Variants in MRTFA observed in about 807,000 individuals in gnomAD.
MRTFA encodes the protein myocardin-related transcription factor A.
In MRTFA, 20 loss-of-function variants were observed where a neutral mutation model predicts 83.5. The observed-to-expected ratio is 0.24, with a 90% CI of 0.17 to 0.35. The LOEUF (loss-of-function observed/expected upper bound fraction) is 0.35. Ranked by LOEUF, MRTFA falls within the 10% of genes least tolerant of loss-of-function variation. The pLI is 1.00. For missense variants in MRTFA, 1,200 were observed against 1,224.7 expected, an observed-to-expected ratio of 0.98 and a Z score of 0.30; for synonymous variants, 659 against 541.2, an observed-to-expected ratio of 1.22 and a Z score of -3.02.
intron 3 of MRTFA, among the ~76,000 whole-genome samples, chr22:40,478,200 C>T (rs1295844774): frequency 1.3e-5 from 2 of 152,110 alleles, no homozygotes; most frequent in African/African-American, 4.8e-5. Context: ...TATTGACCAA[C>T]CATCTACAAA....
At chr22:40,425,542 G>C (rs2052936171) in intron 7 of MRTFA, among the ~76,000 whole-genome samples, 1 of 152,234 alleles carries the variant, frequency 6.6e-6, no homozygotes, top group South Asian at 2.1e-4. Context: ...TCCTCCCTCA[G>C]GACCTGGGAA....
At chr22:40,471,736 G>C (rs1233009239) in intron 3 of MRTFA, among the ~76,000 whole-genome samples, 1 of 152,132 alleles carries the variant, frequency 6.6e-6, no homozygotes, top group Non-Finnish European at 1.5e-5. Context: ...GCCAGGCATG[G>C]TGGCAAGTGC....
intron 1 of MRTFA, among the ~76,000 whole-genome samples, chr22:40,623,681 G>T (rs997554243): frequency 3.3e-5 from 5 of 152,142 alleles, no homozygotes; most frequent in African/African-American, 1.2e-4. Flanking sequence ...ATATTTAATT[G>T]TAACTGTGGT....
At chr22:40,514,428 G>A (rs2054721650) in intron 3 of MRTFA, among the ~76,000 whole-genome samples, 2 of 151,630 alleles carry the variant, frequency 1.3e-5, no homozygotes, top group African/African-American at 2.4e-5. Flanking sequence ...TGAATGGTGG[G>A]GAGGGGGGAG....
chr22:40,426,792 A>G (rs1270941466), intron 7 of MRTFA, among the ~76,000 whole-genome samples: 1 of 152,148 alleles, frequency 6.6e-6, no homozygotes, highest in Non-Finnish European at 1.5e-5. Context: ...CCATTGTTAC[A>G]CTGTCCATTA....
intron 4 of MRTFA, among the ~76,000 whole-genome samples, chr22:40,458,806 G>A (rs1030513157): frequency 6.6e-5 from 10 of 152,102 alleles, no homozygotes; most frequent in African/African-American, 2.4e-4. Context: ...GGCCGGGCGT[G>A]GAGGCTCATG....
intron 1 of MRTFA, among the ~76,000 whole-genome samples, chr22:40,629,165 T>C (rs1309968788): frequency 6.6e-6 from 1 of 151,764 alleles, no homozygotes; most frequent in Non-Finnish European, 1.5e-5. Flanking sequence ...AAGCAGAGGC[T>C]GGGCGCGGTG....
At chr22:40,599,620 G>A (rs746413802) in intron 1 of MRTFA, among the ~76,000 whole-genome samples, 4 of 152,158 alleles carry the variant, frequency 2.6e-5, no homozygotes, top group Admixed American at 6.5e-5. Flanking sequence ...AAAGTTGCCA[G>A]GCACAGTGGC....
intron 3 of MRTFA, among the ~76,000 whole-genome samples, chr22:40,498,529 C>T (rs1217646494): frequency 1.3e-5 from 2 of 151,638 alleles, no homozygotes; most frequent in Admixed American, 1.3e-4. Context: ...AAGAGATCCA[C>T]CCACCTCAGC....
intron 9 of MRTFA, 114 bp from the exon 10 acceptor site, chr22:40,421,214 T>G (rs1370715501): frequency 2.4e-6 from 3 of 1,248,494 alleles, no homozygotes; most frequent in Non-Finnish European, 3.3e-6. Context: ...CCATCCACAC[T>G]TTGCCCATTT....
intron 3 of MRTFA, among the ~76,000 whole-genome samples, chr22:40,508,736 G>A (rs1426955207): frequency 1.3e-5 from 2 of 150,370 alleles, no homozygotes; most frequent in East Asian, 2.0e-4. Context: ...TCTGGCTTCT[G>A]GCTGGGCATG....
chr22:40,574,437 A>ATTATTAT (rs2055840240), intron 2 of MRTFA, among the ~76,000 whole-genome samples: 1 of 140,154 alleles, frequency 7.1e-6, no homozygotes, highest in Non-Finnish European at 1.6e-5. Context: ...TATTATTATT[A>ATTATTAT]TTATTTTTTT....
intron 3 of MRTFA, among the ~76,000 whole-genome samples, chr22:40,533,077 T>C (rs1460001148): frequency 6.6e-6 from 1 of 152,192 alleles, no homozygotes; most frequent in Admixed American, 6.5e-5. Flanking sequence ...TGCTCAAACT[T>C]ACCCATCTCC....
intron 2 of MRTFA, among the ~76,000 whole-genome samples, chr22:40,581,896 T>G (rs1211422626): frequency 6.6e-6 from 1 of 152,218 alleles, no homozygotes; most frequent in African/African-American, 2.4e-5. Context: ...TTGGTCTTAC[T>G]TGTTAGATAA....
intron 14 of MRTFA, among the ~76,000 whole-genome samples, chr22:40,413,529 G>A (rs554085991): frequency 5.9e-5 from 9 of 152,028 alleles, no homozygotes; most frequent in South Asian, 2.1e-4. Flanking sequence ...GGCTGGTCTC[G>A]AACTCCTGAC....
intron 3 of MRTFA, among the ~76,000 whole-genome samples, chr22:40,545,925 C>T (rs1178618423): frequency 6.6e-6 from 1 of 151,792 alleles, no homozygotes; most frequent in African/African-American, 2.4e-5. Context: ...AGGGGTTTCA[C>T]CATGTTGGCC....
At position 40,429,602 on chromosome 22, in the gene MRTFA, T is replaced by G; in HGVS notation, c.601+4A>C. The G allele has an allele frequency of 6.2e-7, 1 of 1,614,092 alleles. No individual in the cohort carries two copies. On this transcript the variant is annotated splice_donor_region_variant and intron_variant, in intron 7 of 14. Transcript: ENST00000355630. ...CTCACACAGGGTGGCTGGGTCCTCC[T>G]CACCAATGATGGCTTCCTTCAGGCT...
Position 40,563,061 on chromosome 22 carries a change from A to G in MRTFA, c.-21-10694T>C, listed in dbSNP as rs565456235. ...ATTTCCTCTTCCCCCAACAAAAAGG[A>G]TAACAGTAACAATATAACACTGCCT... On this transcript the variant is annotated intron_variant, in intron 2 of 14. Transcript: ENST00000355630. 3.3e-4 allele frequency among the ~76,000 whole-genome samples: 51 copies of G among 152,266 alleles called. 2 individuals are homozygous for G. In the South Asian group the frequency reaches 0.01, roughly 31 times the overall value.
chr22:40,507,346 G>A lies in MRTFA; in HGVS notation c.242-44060C>T, dbSNP rs140593991. 7.4e-3 allele frequency among the ~76,000 whole-genome samples: 1,118 copies of A among 152,002 alleles called. 13 individuals carry two copies. Among genetic ancestry groups the A allele is most frequent in the African/African-American group, 0.026 (1,070 of 41,438 alleles). ...ACTGCACTCCAGCCTGGGTGACAGA[G>A]TGAGACCCTATGTCAAAAAGAAAAA... On this transcript the variant is annotated intron_variant, in intron 3 of 14. Transcript: ENST00000355630.
Sources: gnomAD v4.1 joint callset for allele counts (sites outside exome capture counted in the v4.1 genomes callset) on GRCh38, gnomAD v4.1.1 for gene constraint, MANE v1.5 for transcripts, NCBI Gene and HGNC (gene_info 2026-07-23, HGNC 2026-07-21) for gene names.